The following SPAG16 variants were observed in gnomAD, a reference collection of about 807,000 sequenced individuals.
The protein encoded by SPAG16 is sperm-associated antigen 16 protein.
A neutral mutation model predicts 80.4 loss-of-function variants in SPAG16; 86 were observed. That is an observed-to-expected ratio of 1.07 (90% CI 0.90 to 1.28). SPAG16 has a LOEUF of 1.28. Ranked by LOEUF, SPAG16 falls within the 50% of genes most tolerant of loss-of-function variation. SPAG16 has a pLI of 0.00. For missense variants in SPAG16, 870 were observed against 765.3 expected, an observed-to-expected ratio of 1.14 and a Z score of -1.61; for synonymous variants, 294 against 265.9, an observed-to-expected ratio of 1.11 and a Z score of -1.03.
intron 12 of SPAG16, among the ~76,000 whole-genome samples, chr2:213,998,321 T>G (rs2046623661): frequency 6.6e-6 from 1 of 152,188 alleles, no homozygotes; most frequent in African/African-American, 2.4e-5. Context: ...ATAATTTGAA[T>G]CATGGGGGTG....
chr2:213,760,286 C>G (rs541058739), intron 10 of SPAG16, among the ~76,000 whole-genome samples: 9 of 151,882 alleles, frequency 5.9e-5, no homozygotes, highest in African/African-American at 2.2e-4. Flanking sequence ...ATACTGAGAA[C>G]AGACAAAATA....
At chr2:213,348,886 G>T (rs2065165399) in intron 6 of SPAG16, among the ~76,000 whole-genome samples, 1 of 152,054 alleles carries the variant, frequency 6.6e-6, no homozygotes, top group African/African-American at 2.4e-5. Context: ...GAGTATCTTT[G>T]TGGCATTCTC....
At chr2:214,238,962 TA>T (rs1246968686) in intron 15 of SPAG16, 1 of 152,176 alleles carries the variant, frequency 6.6e-6, no homozygotes, top group Non-Finnish European at 1.5e-5. Flanking sequence ...TTGAGGATAC[TA>T]GAGTTATAGT....
At chr2:213,763,215 T>A (rs2125527894) in intron 10 of SPAG16, among the ~76,000 whole-genome samples, 1 of 141,584 alleles carries the variant, frequency 7.1e-6, no homozygotes, top group East Asian at 2.1e-4. Context: ...TGGAAAACTG[T>A]TTGGAGGTTC....
chr2:213,347,249 T>G (rs1228380419), intron 6 of SPAG16, among the ~76,000 whole-genome samples: 1 of 152,204 alleles, frequency 6.6e-6, no homozygotes, highest in African/African-American at 2.4e-5. Flanking sequence ...TATCATTTTT[T>G]ATTGTGTCTA....
intron 15 of SPAG16, among the ~76,000 whole-genome samples, chr2:214,166,161 G>GA (rs1306623583): frequency 6.6e-6 from 1 of 152,124 alleles, no homozygotes; most frequent in South Asian, 2.1e-4. Context: ...AAAGGCAGTG[G>GA]AAAAATGGGA....
chr2:213,447,032 A>T (rs2071360930), intron 9 of SPAG16, among the ~76,000 whole-genome samples: 2 of 152,192 alleles, frequency 1.3e-5, no homozygotes, highest in Non-Finnish European at 2.9e-5. Flanking sequence ...TGTCCTAAAA[A>T]TTTTGAGGGC....
chr2:213,563,826 A>T (rs2059672694), intron 10 of SPAG16, among the ~76,000 whole-genome samples: 1 of 152,234 alleles, frequency 6.6e-6, no homozygotes, highest in Admixed American at 6.5e-5. Flanking sequence ...GAAGGACTAA[A>T]CATATTAATG....
At chr2:213,800,826 A>G (rs2071350078) in intron 10 of SPAG16, among the ~76,000 whole-genome samples, 2 of 152,136 alleles carry the variant, frequency 1.3e-5, no homozygotes, top group Non-Finnish European at 2.9e-5. Flanking sequence ...CTTCCACATA[A>G]TACAGTAGAG....
At chr2:213,348,688 G>T (rs2065148508) in intron 6 of SPAG16, among the ~76,000 whole-genome samples, 2 of 152,142 alleles carry the variant, frequency 1.3e-5, no homozygotes, top group African/African-American at 2.4e-5. Context: ...TTTTCTTTCA[G>T]AATGTTGAAT....
intron 3 of SPAG16, among the ~76,000 whole-genome samples, chr2:213,304,386 C>T (rs919067263): frequency 2.0e-5 from 3 of 151,976 alleles, no homozygotes; most frequent in Non-Finnish European, 2.9e-5. Context: ...TGATGTGATC[C>T]CATTTGTCTA....
At chr2:214,372,640 G>C (rs115915142) in intron 15 of SPAG16, among the ~76,000 whole-genome samples, 1,976 of 152,266 alleles carry the variant, frequency 0.013, 31 homozygotes, top group Non-Finnish European at 0.018. Flanking sequence ...AGGATTACAT[G>C]GATTTCAGAG....
chr2:213,326,654 A>G (rs1288004573), intron 5 of SPAG16, among the ~76,000 whole-genome samples: 6 of 151,992 alleles, frequency 3.9e-5, no homozygotes, highest in African/African-American at 1.2e-4. Flanking sequence ...TAATTATGTA[A>G]CTACTATTAT....
chr2:213,921,075 C>T, intron 11 of SPAG16, among the ~76,000 whole-genome samples: 1 of 152,148 alleles, frequency 6.6e-6, no homozygotes, highest in East Asian at 1.9e-4. Flanking sequence ...TTCCCAGCTT[C>T]CTCCCACTTG....
intron 10 of SPAG16, among the ~76,000 whole-genome samples, chr2:213,518,346 C>G (rs141075511): frequency 8.3e-4 from 127 of 152,322 alleles, no homozygotes; most frequent in African/African-American, 3.0e-3. Context: ...TCGCTTACTG[C>G]AACCGCAAAG....
chr2:213,586,104 T>C (rs2060463688), intron 10 of SPAG16, among the ~76,000 whole-genome samples: 1 of 152,186 alleles, frequency 6.6e-6, no homozygotes, highest in South Asian at 2.1e-4. Context: ...GCCATAACAA[T>C]TATTATTTGA....
chr2:213,365,788 A>G (rs548796332), intron 8 of SPAG16, among the ~76,000 whole-genome samples: 124 of 152,018 alleles, frequency 8.2e-4, no homozygotes, highest in Non-Finnish European at 1.6e-3. Context: ...TTCATAACAA[A>G]TTAGAGATGA....
intron 15 of SPAG16, among the ~76,000 whole-genome samples, chr2:214,177,979 A>T (rs1192247992): frequency 6.3e-5 from 1 of 15,844 alleles, no homozygotes; most frequent in African/African-American, 1.1e-4. Flanking sequence ...ATGTATATAT[A>T]TATATATATA....
intron 10 of SPAG16, among the ~76,000 whole-genome samples, chr2:213,686,069 C>T (rs774901361): frequency 2.0e-5 from 3 of 152,050 alleles, no homozygotes; most frequent in Non-Finnish European, 4.4e-5. Context: ...TCCAATAATC[C>T]AATAATTAAT....
Sources: allele counts gnomAD v4.1 joint callset (sites outside exome capture counted in the v4.1 genomes callset), GRCh38; gene constraint gnomAD v4.1.1; transcripts MANE v1.5; gene names NCBI Gene and HGNC (gene_info 2026-07-23, HGNC 2026-07-21).